The following GRIK2 variants were observed in gnomAD, a reference collection of about 807,000 sequenced individuals.
The protein encoded by GRIK2 is glutamate receptor ionotropic, kainate 2.
A neutral mutation model predicts 100.3 loss-of-function variants in GRIK2; 32 were observed. The observed-to-expected ratio is 0.32, with a 90% CI of 0.24 to 0.43. The LOEUF (loss-of-function observed/expected upper bound fraction) is 0.43. Among genes scored for constraint, GRIK2 ranks in the 20% least tolerant of loss-of-function variants. The pLI, the probability that GRIK2 is intolerant of heterozygous loss-of-function variation, is 1.00. For missense variants in GRIK2, 843 were observed against 1,114.9 expected (o/e 0.76, Z 3.47); for synonymous variants, 417 against 389.4 (o/e 1.07, Z -0.83).
intron 11 of GRIK2, among the ~76,000 whole-genome samples, chr6:101,862,179 G>T (rs1010252561): frequency 6.6e-6 from 1 of 152,022 alleles, no homozygotes; most frequent in African/African-American, 2.4e-5. Context: ...TACAGGGAGG[G>T]AAACAAGAAC....
At chr6:101,424,417 G>A (rs531654116) in intron 2 of GRIK2, among the ~76,000 whole-genome samples, 1 of 150,902 alleles carries the variant, frequency 6.6e-6, no homozygotes, top group African/African-American at 2.5e-5. Flanking sequence ...AGAACATGTG[G>A]TGTTTGGTTT....
At chr6:101,767,640 A>G (rs1004907260) in intron 7 of GRIK2, among the ~76,000 whole-genome samples, 6 of 152,136 alleles carry the variant, frequency 3.9e-5, no homozygotes, top group Non-Finnish European at 7.4e-5. Context: ...AAAAATAAAC[A>G]CAATATGTGT....
Position 102,059,571 on chromosome 6 carries a change from CT to C in GRIK2, c.2562+3992del, listed in dbSNP as rs1771642076. Among the ~76,000 whole-genome samples the C allele has an allele frequency of 4.6e-5, 7 of 150,984 alleles. No homozygotes were observed. In the South Asian group the frequency reaches 1.5e-3, roughly 31 times the overall value. Reference sequence around the variant, plus strand: ...AAGACTTACTTTTGGCTATAACAAGCTGCTTAATATACTGAATTTTGTTGTT... The same window carrying C: ...AAGACTTACTTTTGGCTATAACAAGCGCTTAATATACTGAATTTTGTTGTT... On this transcript the variant is annotated intron_variant, in intron 16 of 16. Coordinates refer to ENST00000369134, the MANE Select transcript of GRIK2 (RefSeq NM_021956.5).
At chr6:101,639,227 G>T (rs943414177) in intron 4 of GRIK2, among the ~76,000 whole-genome samples, 3 of 151,986 alleles carry the variant, frequency 2.0e-5, no homozygotes, top group Non-Finnish European at 4.4e-5. Context: ...TAGTAGAGAT[G>T]GGATTTCACC....
At chr6:101,922,076 T>TTTCCTTCCTTCC (rs906511587) in intron 12 of GRIK2, among the ~76,000 whole-genome samples, 38 of 110,316 alleles carry the variant, frequency 3.4e-4, no homozygotes, top group Non-Finnish European at 5.8e-4. Flanking sequence ...CCTTTCTCCA[T>TTTCCTTCCTTCC]TTCCTTCCTT....
At chr6:101,412,709 G>A (rs1775939179) in intron 2 of GRIK2, among the ~76,000 whole-genome samples, 1 of 151,932 alleles carries the variant, frequency 6.6e-6, no homozygotes, top group Non-Finnish European at 1.5e-5. Context: ...GCATCCAGTG[G>A]TGTGCAGTTC....
intron 7 of GRIK2, among the ~76,000 whole-genome samples, chr6:101,702,856 G>A (rs1772991765): frequency 6.6e-6 from 1 of 151,784 alleles, no homozygotes; most frequent in East Asian, 1.9e-4. Flanking sequence ...TCTTGAGATG[G>A]AAACAAGCAA....
intron 2 of GRIK2, among the ~76,000 whole-genome samples, chr6:101,470,016 T>C (rs1275164202): frequency 3.3e-5 from 5 of 152,176 alleles, no homozygotes; most frequent in African/African-American, 4.8e-5. Flanking sequence ...ATTCCCTCTA[T>C]GTATCTGGTG....
At chr6:101,995,081 G>GTGTT (rs1794581328) in intron 14 of GRIK2, among the ~76,000 whole-genome samples, 2 of 151,910 alleles carry the variant, frequency 1.3e-5, no homozygotes, top group South Asian at 4.2e-4. Flanking sequence ...ATGTTTCTGA[G>GTGTT]TGTTGTCTAC....
chr6:101,403,660 A>G (rs998461787), intron 2 of GRIK2, among the ~76,000 whole-genome samples: 2 of 152,152 alleles, frequency 1.3e-5, no homozygotes, highest in Admixed American at 1.3e-4. Context: ...AGTGAGACTG[A>G]GCTTACAAGC....
intron 15 of GRIK2, among the ~76,000 whole-genome samples, chr6:102,040,967 A>C (rs1714361362): frequency 6.6e-6 from 1 of 151,618 alleles, no homozygotes; most frequent in African/African-American, 2.4e-5. Flanking sequence ...GTGATTTTGC[A>C]GGGCTAAATC....
intron 4 of GRIK2, among the ~76,000 whole-genome samples, chr6:101,668,583 T>G (rs562569447): frequency 1.3e-4 from 20 of 152,044 alleles, no homozygotes; most frequent in Admixed American, 5.2e-4. Flanking sequence ...AAAAAAAAGA[T>G]GATGATGAAA....
chr6:101,928,720 G>A (rs939569367), intron 14 of GRIK2, 88 bp downstream of exon 14: 108 of 713,234 alleles, frequency 1.5e-4, no homozygotes, highest in Admixed American at 7.9e-5. Context: ...GTGTAACAAC[G>A]CCATTATTTG....
At chr6:101,870,283 T>C (rs1785323867) in intron 11 of GRIK2, among the ~76,000 whole-genome samples, 1 of 151,858 alleles carries the variant, frequency 6.6e-6, no homozygotes, top group Admixed American at 6.6e-5. Flanking sequence ...GCAGTAACTA[T>C]ATCTCTAGGA....
chr6:102,047,515 C>T (rs188985364), intron 15 of GRIK2, among the ~76,000 whole-genome samples: 3 of 151,818 alleles, frequency 2.0e-5, no homozygotes, highest in Non-Finnish European at 2.9e-5. Context: ...TTTGGGAGGC[C>T]GAGCTGGATG....
intron 7 of GRIK2, among the ~76,000 whole-genome samples, chr6:101,788,452 A>G (rs1021138665): frequency 2.0e-5 from 3 of 151,766 alleles, no homozygotes; most frequent in African/African-American, 4.8e-5. Flanking sequence ...GAGTGAGAAC[A>G]TGCAGTGTTT....
chr6:101,752,203 G>A (rs552389233), intron 7 of GRIK2, among the ~76,000 whole-genome samples: 1 of 152,104 alleles, frequency 6.6e-6, no homozygotes, highest in Non-Finnish European at 1.5e-5. Flanking sequence ...TCTTTTCCAT[G>A]ATTGTTCTTT....
At position 101,889,802 on chromosome 6, in the gene GRIK2, A is replaced by G. The variant is rs150746015; in HGVS notation, c.1687A>G (p.Ile563Val). Residue 563 changes from isoleucine (I) to valine (V), a missense_variant, in exon 12 of 17, where the codon ATC becomes GTC. By Grantham distance (29) the Ile-to-Val change is conservative (BLOSUM62 3). Transcript: ENST00000369134. ...FSFLNPLSPD[I>V]WMYILLAYLG... is the part of the protein sequence containing the mutation. ...CTTCCTGAATCCTCTCTCCCCTGATATCTGGATGTATATTCTGCTGGCTTA... is the reference window on the plus strand; with the variant it reads ...CTTCCTGAATCCTCTCTCCCCTGATGTCTGGATGTATATTCTGCTGGCTTA... The G allele has an allele frequency of 1.2e-6, 2 of 1,613,370 alleles. No individual in the cohort carries two copies. The highest frequency in any genetic ancestry group is 1.3e-5 in the African/African-American group (1 of 74,832).
At chr6:101,777,377 A>T (rs1778812014) in intron 7 of GRIK2, among the ~76,000 whole-genome samples, 2 of 152,146 alleles carry the variant, frequency 1.3e-5, no homozygotes, top group Non-Finnish European at 2.9e-5. Flanking sequence ...TGTCTGTCCC[A>T]TTTAGGCTTG....
Sources: gnomAD v4.1 joint callset for allele counts (sites outside exome capture counted in the v4.1 genomes callset) on GRCh38, gnomAD v4.1.1 for gene constraint, MANE v1.5 for transcripts, NCBI Gene and HGNC (gene_info 2026-07-23, HGNC 2026-07-21) for gene names.